Variants in STX17 observed in about 807,000 individuals in gnomAD.
STX17 encodes syntaxin-17.
In STX17, 29 loss-of-function variants were observed where a neutral mutation model predicts 35.9. The observed-to-expected ratio is 0.81, with a 90% CI of 0.60 to 1.10. The LOEUF (loss-of-function observed/expected upper bound fraction) is 1.10, where lower values mean the gene tolerates loss of function less well. Ranked by LOEUF, STX17 falls within the 50% of genes least tolerant of loss-of-function variation. The probability of loss-of-function intolerance (pLI) is 0.00; values close to 1 mark genes in which losing one functional copy is unlikely to be tolerated. For missense variants in STX17, 312 were observed against 352.3 expected (o/e 0.89, Z 0.92); for synonymous variants, 92 against 118.3 (o/e 0.78, Z 1.44).
chr9:99,973,697 A>G lies in STX17; in HGVS notation c.*5024A>G, dbSNP rs1268080722. Among the ~76,000 whole-genome samples the G allele has an allele frequency of 6.6e-6, 1 of 152,112 alleles. No individual in the cohort carries two copies. The highest frequency in any genetic ancestry group is 2.4e-5 in the African/African-American group (1 of 41,426). On this transcript the variant is annotated 3_prime_UTR_variant, in exon 8 of 8. Coordinates refer to ENST00000259400, the MANE Select transcript of STX17 (RefSeq NM_017919.3). The stretch of plus-strand genomic sequence containing the variant: ...CACACCCCGCACTTGATCTTCCCCC[A>G]ACTTTAAGTGACTCAGTTCCTTATA...
At chr9:99,922,698 G>T (rs1442632375) in intron 2 of STX17, among the ~76,000 whole-genome samples, 1 of 152,172 alleles carries the variant, frequency 6.6e-6, no homozygotes, top group African/African-American at 2.4e-5. Context: ...GGCAGCAAGG[G>T]GTGGGCAAGA....
At chr9:99,955,088 G>A (rs980472139) in intron 4 of STX17, among the ~76,000 whole-genome samples, 1 of 152,046 alleles carries the variant, frequency 6.6e-6, no homozygotes, top group African/African-American at 2.4e-5. Flanking sequence ...TATTTAGAAA[G>A]GTGATTCAAG....
intron 6 of STX17, among the ~76,000 whole-genome samples, chr9:99,966,567 G>C (rs1278665159): frequency 6.6e-6 from 1 of 151,896 alleles, no homozygotes; most frequent in Non-Finnish European, 1.5e-5. Context: ...ATTGCAGGTG[G>C]CATCTATCTA....
Position 99,972,930 on chromosome 9 carries a change from A to T in STX17, c.*4257A>T, listed in dbSNP as rs1308366847. ...TTCACAGGTACTTAACGAATGTTAG[A>T]TGATGTTCTTAAGTAATCAGAGGCC... is the stretch of plus-strand genomic sequence containing the variant. On this transcript the variant is annotated 3_prime_UTR_variant, in exon 8 of 8. Transcript: ENST00000259400. 6.6e-6 allele frequency among the ~76,000 whole-genome samples: 1 copy of T among 152,190 alleles called. No homozygotes were observed. Among genetic ancestry groups the T allele is most frequent in the Non-Finnish European group, 1.5e-5 (1 of 68,032 alleles).
At chr9:99,965,540 C>T (rs542780836) in intron 6 of STX17, among the ~76,000 whole-genome samples, 1 of 152,106 alleles carries the variant, frequency 6.6e-6, no homozygotes, top group African/African-American at 2.4e-5. Flanking sequence ...CTGTTTCAGG[C>T]AAGAGTGGAA....
chr9:99,966,024 G>A (rs991292881), intron 6 of STX17, among the ~76,000 whole-genome samples: 1 of 152,216 alleles, frequency 6.6e-6, no homozygotes, highest in Admixed American at 6.5e-5. Context: ...TAAAGGTGGT[G>A]CCCTTGATCT....
At chr9:99,940,470 C>CTTTT (rs71498721) in intron 3 of STX17, among the ~76,000 whole-genome samples, 2 of 107,734 alleles carry the variant, frequency 1.9e-5, no homozygotes, top group Admixed American at 1.0e-4. Flanking sequence ...TAGAATTTTA[C>CTTTT]TTTTTTTTTT....
At chr9:99,943,042 T>C (rs1829398108) in intron 3 of STX17, among the ~76,000 whole-genome samples, 1 of 152,222 alleles carries the variant, frequency 6.6e-6, no homozygotes, top group Non-Finnish European at 1.5e-5. Context: ...ATCAGCTTAT[T>C]AAGTTTCACC....
chr9:99,944,333 T>G (rs1296857889), intron 3 of STX17, among the ~76,000 whole-genome samples: 1 of 152,000 alleles, frequency 6.6e-6, no homozygotes, highest in Non-Finnish European at 1.5e-5. Flanking sequence ...TTTTCTCCTT[T>G]CTACTTTTTT....
Position 99,953,948 on chromosome 9 carries a change from A to G in STX17, c.415+2663A>G, listed in dbSNP as rs371015373. Reference sequence around the variant, plus strand: ...GAAATTGGGTGATTATTATTAATAGAAAAAGGCAGTTTACCCAGTTTGCTG... The same window carrying G: ...GAAATTGGGTGATTATTATTAATAGGAAAAGGCAGTTTACCCAGTTTGCTG... On this transcript the variant is annotated intron_variant, in intron 4 of 7. Transcript: ENST00000259400. The G allele has an allele frequency of 5.9e-5, 9 of 152,052 alleles. No homozygotes were observed. The East Asian group carries it at 1.3e-3, about 23-fold the overall frequency. 9.4% of individuals were successfully genotyped at this position (152,052 alleles called of 1,614,324 possible).
chr9:99,972,747 G>T lies in STX17; in HGVS notation c.*4074G>T, dbSNP rs1012475842. Among the ~76,000 whole-genome samples, 2 of 152,168 alleles carry T rather than the reference G, an allele frequency of 1.3e-5. No homozygotes were observed. The highest frequency in any genetic ancestry group is 1.3e-4 in the Admixed American group (2 of 15,288). On this transcript the variant is annotated 3_prime_UTR_variant, in exon 8 of 8. Transcript: ENST00000259400. ...GAGTGCAGAAACCAAACCATGCTTT[G>T]TGTTAACCTTAAATATGAAAGGTGT...
At chr9:99,915,486 T>C (rs1828750415) in intron 2 of STX17, 124 bp downstream of exon 2, 7 of 1,183,350 alleles carry the variant, frequency 5.9e-6, no homozygotes, top group Middle Eastern at 3.0e-4. Flanking sequence ...CTCCTATTGA[T>C]TTAGCAACAT....
At chr9:99,924,694 G>C (rs1247746769) in intron 2 of STX17, among the ~76,000 whole-genome samples, 1 of 152,142 alleles carries the variant, frequency 6.6e-6, no homozygotes, top group Non-Finnish European at 1.5e-5. Context: ...AGACAATCAT[G>C]TAATCTGTGA....
chr9:99,907,193 C>G (rs1394114738), intron 1 of STX17: 1 of 152,302 alleles, frequency 6.6e-6, no homozygotes, highest in East Asian at 1.9e-4. Context: ...CCCTGCTCGC[C>G]AAACCCAGAG....
At position 99,968,762 on chromosome 9, in the gene STX17, G is replaced by C; in HGVS notation, c.*89G>C. ...CACTCCGTCACCTTTTGGAACACAA[G>C]TATATCAAGATAGTGGCTACTGATG... On this transcript the variant is annotated 3_prime_UTR_variant, in exon 8 of 8. Transcript: ENST00000259400. 6.5e-7 allele frequency: 1 copy of C among 1,531,426 alleles called. No individual in the cohort carries two copies. The highest frequency in any genetic ancestry group is 2.0e-5 in the Admixed American group (1 of 50,640). 94.9% of individuals were successfully genotyped at this position (1,531,426 alleles called of 1,614,324 possible). A position where few individuals can be genotyped will look rare whatever the true frequency, so the allele number is the denominator to read the frequency against.
chr9:99,917,462 T>G (rs1315084602), intron 2 of STX17, among the ~76,000 whole-genome samples: 1 of 152,156 alleles, frequency 6.6e-6, no homozygotes, highest in Non-Finnish European at 1.5e-5. Flanking sequence ...GATAAAATAT[T>G]TATTATGCTG....
intron 3 of STX17, among the ~76,000 whole-genome samples, chr9:99,936,631 T>C (rs1029770653): frequency 3.3e-5 from 5 of 152,168 alleles, no homozygotes; most frequent in African/African-American, 1.2e-4. Flanking sequence ...GGGTCTTTAG[T>C]GTACATCTTA....
chr9:99,960,039 T>C lies in STX17; in HGVS notation c.531+7T>C. On this transcript the variant is annotated splice_region_variant and intron_variant, in intron 5 of 7. Transcript: ENST00000259400. ...GTGGGAAACCTTAGAAGCGGTATGT[T>C]AAAAAATGTTTTCTTTTTGGTAGTT... 6.2e-7 allele frequency: 1 copy of C among 1,613,962 alleles called. No homozygotes were observed. Among genetic ancestry groups the C allele is most frequent in the Admixed American group, 1.7e-5 (1 of 60,000 alleles).
intron 2 of STX17, among the ~76,000 whole-genome samples, chr9:99,923,784 A>C (rs1828935612): frequency 1.3e-5 from 2 of 152,122 alleles, no homozygotes; most frequent in African/African-American, 4.8e-5. Flanking sequence ...GGGCTTGATT[A>C]ATTTGCTGGG....
Sources: gnomAD v4.1 joint callset for allele counts (sites outside exome capture counted in the v4.1 genomes callset) on GRCh38, gnomAD v4.1.1 for gene constraint, MANE v1.5 for transcripts, NCBI Gene and HGNC (gene_info 2026-07-23, HGNC 2026-07-21) for gene names.